KCNQ3: variants seen among roughly 807,000 people sequenced by gnomAD.
KCNQ3 encodes potassium voltage-gated channel subfamily KQT member 3.
In KCNQ3, 30 loss-of-function variants were observed where a neutral mutation model predicts 92.5. The ratio of observed to expected loss-of-function variants is 0.32; its 90% CI spans 0.24 to 0.44. The LOEUF (loss-of-function observed/expected upper bound fraction) is 0.44, where lower values mean the gene tolerates loss of function less well. Ranked by LOEUF, KCNQ3 falls within the 20% of genes least tolerant of loss-of-function variation. The pLI, the probability that KCNQ3 is intolerant of heterozygous loss-of-function variation, is 1.00. For missense variants in KCNQ3, 913 were observed against 1,140.3 expected (o/e 0.80, Z 2.87); for synonymous variants, 450 against 468.8 (o/e 0.96, Z 0.52).
chr8:132,197,091 G>A (rs956243713), intron 1 of KCNQ3, among the ~76,000 whole-genome samples: 4 of 150,540 alleles, frequency 2.7e-5, no homozygotes, highest in Non-Finnish European at 5.9e-5. Flanking sequence ...AAAATTTGTA[G>A]AACCCCTAGC....
chr8:132,277,832 T>C (rs1816386405), intron 1 of KCNQ3: 1 of 531,186 alleles, frequency 1.9e-6, no homozygotes, highest in Admixed American at 6.4e-5. Context: ...TTAGACTGAA[T>C]CTTGCTCTCT....
At chr8:132,186,512 C>G (rs1826961706) in intron 1 of KCNQ3, 2 of 372,226 alleles carry the variant, frequency 5.4e-6, no homozygotes, top group South Asian at 2.2e-5. Context: ...GTCAAGACAA[C>G]TTTTCACAAG....
At chr8:132,431,937 C>T (rs984481490) in intron 1 of KCNQ3, among the ~76,000 whole-genome samples, 6 of 152,172 alleles carry the variant, frequency 3.9e-5, no homozygotes, top group African/African-American at 1.4e-4. Flanking sequence ...TTGATAAAAC[C>T]TAACTGCAGC....
chr8:132,170,981 T>C (rs1826322879), intron 7 of KCNQ3, among the ~76,000 whole-genome samples: 1 of 151,948 alleles, frequency 6.6e-6, no homozygotes, highest in Non-Finnish European at 1.5e-5. Flanking sequence ...ATCGCACCAC[T>C]GCACTCCAAC....
intron 1 of KCNQ3, among the ~76,000 whole-genome samples, chr8:132,370,664 G>A (rs904007658): frequency 1.3e-5 from 2 of 152,168 alleles, no homozygotes; most frequent in African/African-American, 2.4e-5. Flanking sequence ...TGGGAATCAC[G>A]CACTCCAGGC....
intron 7 of KCNQ3, among the ~76,000 whole-genome samples, chr8:132,171,396 A>T (rs1177449601): frequency 6.6e-6 from 1 of 152,116 alleles, no homozygotes; most frequent in Non-Finnish European, 1.5e-5. Flanking sequence ...AGCTGTAGAC[A>T]GGACACTCTG....
At chr8:132,134,248 C>G in intron 13 of KCNQ3, 42 bp downstream of exon 13, 1 of 1,496,118 alleles carries the variant, frequency 6.7e-7, no homozygotes, top group Non-Finnish European at 9.3e-7. Flanking sequence ...GCTTTACAAA[C>G]TTTGCACCCC....
chr8:132,274,683 C>T (rs1199916781), intron 1 of KCNQ3, among the ~76,000 whole-genome samples: 2 of 152,162 alleles, frequency 1.3e-5, no homozygotes, highest in South Asian at 2.1e-4. Context: ...TCTAGACATA[C>T]CTGTCTTCAA....
At chr8:132,292,730 T>TA (rs1816893701) in intron 1 of KCNQ3, among the ~76,000 whole-genome samples, 1 of 152,174 alleles carries the variant, frequency 6.6e-6, no homozygotes, top group Non-Finnish European at 1.5e-5. Context: ...CTAACTCCCA[T>TA]AGTCCTTGTT....
At chr8:132,444,284 C>T (rs955617188) in intron 1 of KCNQ3, among the ~76,000 whole-genome samples, 2 of 152,208 alleles carry the variant, frequency 1.3e-5, no homozygotes, top group Non-Finnish European at 2.9e-5. Flanking sequence ...GCCCTCCTCA[C>T]CCAGCCACCA....
At chr8:132,359,975 C>T (rs1819121789) in intron 1 of KCNQ3, among the ~76,000 whole-genome samples, 1 of 152,188 alleles carries the variant, frequency 6.6e-6, no homozygotes, top group South Asian at 2.1e-4. Flanking sequence ...GATTTAGTTT[C>T]TCAGGCTTGA....
chr8:132,232,148 C>G (rs1290738823), intron 1 of KCNQ3, among the ~76,000 whole-genome samples: 1 of 152,218 alleles, frequency 6.6e-6, no homozygotes, highest in Non-Finnish European at 1.5e-5. Flanking sequence ...GGAGCATCTA[C>G]TCTTGCTCTT....
chr8:132,441,636 C>T (rs1461312903), intron 1 of KCNQ3, among the ~76,000 whole-genome samples: 2 of 152,062 alleles, frequency 1.3e-5, no homozygotes, highest in Non-Finnish European at 1.5e-5. Flanking sequence ...TGGGTATATA[C>T]CCAGTAATGG....
rs1824751058 is a variant in KCNQ3, at chr8:132,128,729, A to G, written c.*533T>C. The G allele has an allele frequency of 1.3e-5, 2 of 158,318 alleles. No homozygotes were observed. The highest frequency in any genetic ancestry group is 2.8e-5 in the Non-Finnish European group (2 of 71,312). The allele number at this position is 158,318 out of a possible 1,614,324, so 9.8% of individuals were successfully genotyped here. ...AATTCTTTGTTTTAGAGACACAATG[A>G]CTATCTCATTCCTTTCCTAATGTTA... On this transcript the variant is annotated 3_prime_UTR_variant, in exon 15 of 15. Transcript: ENST00000388996.
chr8:132,135,248 A>C (rs567498901), intron 12 of KCNQ3, among the ~76,000 whole-genome samples: 1 of 152,168 alleles, frequency 6.6e-6, no homozygotes, highest in African/African-American at 2.4e-5. Flanking sequence ...AAAAGATATG[A>C]TCTTGTTCTT....
chr8:132,301,136 T>C (rs958520870), intron 1 of KCNQ3, among the ~76,000 whole-genome samples: 1 of 152,198 alleles, frequency 6.6e-6, no homozygotes, highest in African/African-American at 2.4e-5. Flanking sequence ...TTTTATTTTC[T>C]GTTCTGTGGC....
intron 1 of KCNQ3, among the ~76,000 whole-genome samples, chr8:132,419,258 T>C (rs1410553375): frequency 6.6e-6 from 1 of 152,186 alleles, no homozygotes; most frequent in African/African-American, 2.4e-5. Context: ...CCTTTCATCC[T>C]CTCAATTTTC....
chr8:132,267,245 G>A (rs1210342524), intron 1 of KCNQ3, among the ~76,000 whole-genome samples: 2 of 152,182 alleles, frequency 1.3e-5, no homozygotes, highest in East Asian at 3.9e-4. Context: ...ATTTAACCAA[G>A]GCCCCTAATT....
rs186018418 is a variant in KCNQ3, at chr8:132,157,106, G to A, written c.1262+6362C>T. On this transcript the variant is annotated intron_variant, in intron 9 of 14. Transcript: ENST00000388996. ...AGAGAATAAATTTCTGTTGTTCTAA[G>A]TCAACCCATTATGTGGCAATTTGTT... Among the ~76,000 whole-genome samples the A allele has an allele frequency of 6.6e-5, 10 of 152,308 alleles. No homozygotes were observed. The East Asian group carries it at 1.9e-3, about 29-fold the overall frequency.
Sources: allele counts gnomAD v4.1 joint callset (sites outside exome capture counted in the v4.1 genomes callset), GRCh38; gene constraint gnomAD v4.1.1; transcripts MANE v1.5; gene names NCBI Gene and HGNC (gene_info 2026-07-23, HGNC 2026-07-21).